Variants in SLC14A2 observed in about 807,000 individuals in gnomAD.
SLC14A2 encodes urea transporter 2.
A neutral mutation model predicts 104.6 loss-of-function variants in SLC14A2; 91 were observed. The observed-to-expected ratio is 0.87, with a 90% CI of 0.73 to 1.04. SLC14A2 has a LOEUF of 1.04. Among genes scored for constraint, SLC14A2 ranks in the 50% least tolerant of loss-of-function variants. The pLI, the probability that SLC14A2 is intolerant of heterozygous loss-of-function variation, is 0.00. For synonymous variants in SLC14A2, 476 were observed against 466.4 expected, an observed-to-expected ratio of 1.02 and a Z score of -0.27; for missense variants, 1,189 against 1,156.0, an observed-to-expected ratio of 1.03 and a Z score of -0.41.
chr18:45,560,870 A>G (rs375972445), intron 2 of SLC14A2, among the ~76,000 whole-genome samples: 31 of 152,304 alleles, frequency 2.0e-4, no homozygotes, highest in African/African-American at 7.0e-4. Flanking sequence ...GCCTCAGAAG[A>G]GGCCAATGTG....
At chr18:45,335,435 G>T (rs1489663970) in intron 1 of SLC14A2, among the ~76,000 whole-genome samples, 1 of 151,664 alleles carries the variant, frequency 6.6e-6, no homozygotes, top group Non-Finnish European at 1.5e-5. Context: ...CTGCAGTAGA[G>T]GAAGGAGGCA....
intron 2 of SLC14A2, among the ~76,000 whole-genome samples, chr18:45,561,847 C>T (rs2044204577): frequency 3.3e-5 from 5 of 152,162 alleles, no homozygotes; most frequent in Admixed American, 6.5e-5. Context: ...TATTCTGCAA[C>T]TTGTCTTTTT....
chr18:45,580,350 G>A (rs35540002), intron 2 of SLC14A2, among the ~76,000 whole-genome samples: 6,287 of 152,342 alleles, frequency 0.041, 180 homozygotes, highest in Non-Finnish European at 0.066. Flanking sequence ...AAAGTCATGG[G>A]AGTGGACAGG....
rs554523138 is a variant in SLC14A2, at chr18:45,630,077, T to C, written c.522-2273T>C. 2.1e-4 allele frequency among the ~76,000 whole-genome samples: 32 copies of C among 152,324 alleles called. 1 individual carries two copies. Among genetic ancestry groups the C allele is most frequent in the African/African-American group, 3.4e-4 (14 of 41,570 alleles). On this transcript the variant is annotated intron_variant, in intron 4 of 19. Transcript: ENST00000255226. ...CCACAGAACACATCCCAGTACTAGA[T>C]TGAATTGTTCTGTAATTAATTTTTT...
At chr18:45,513,875 C>A (rs2043400766) in intron 2 of SLC14A2, among the ~76,000 whole-genome samples, 2 of 152,082 alleles carry the variant, frequency 1.3e-5, no homozygotes, top group Non-Finnish European at 2.9e-5. Flanking sequence ...CCACAGGGAC[C>A]CCACAGACTA....
intron 1 of SLC14A2, among the ~76,000 whole-genome samples, chr18:45,342,936 A>G (rs1051523111): frequency 3.9e-5 from 6 of 152,156 alleles, no homozygotes; most frequent in Non-Finnish European, 7.3e-5. Flanking sequence ...TCCCTGTGTA[A>G]CCATTATTCA....
intron 1 of SLC14A2, among the ~76,000 whole-genome samples, chr18:45,428,474 G>T (rs747645516): frequency 1.3e-5 from 2 of 152,102 alleles, no homozygotes; most frequent in East Asian, 3.9e-4. Context: ...GAGGAGAGAG[G>T]GTGCTAACAT....
intron 1 of SLC14A2, among the ~76,000 whole-genome samples, chr18:45,402,409 C>T (rs899143511): frequency 6.6e-6 from 1 of 152,350 alleles, no homozygotes; most frequent in Admixed American, 6.5e-5. Context: ...AGCCAGCCCT[C>T]ATCGCTGTCA....
intron 2 of SLC14A2, among the ~76,000 whole-genome samples, chr18:45,516,487 G>A (rs1010010591): frequency 2.0e-5 from 3 of 152,216 alleles, no homozygotes; most frequent in African/African-American, 2.4e-5. Context: ...CCCCAGGGAC[G>A]AGAGTGGGAG....
intron 1 of SLC14A2, among the ~76,000 whole-genome samples, chr18:45,378,875 T>C (rs2085803613): frequency 1.3e-5 from 2 of 152,120 alleles, no homozygotes; most frequent in Admixed American, 6.6e-5. Context: ...CCTCCCGAAG[T>C]GCTGGGATTA....
intron 2 of SLC14A2, among the ~76,000 whole-genome samples, chr18:45,571,254 A>G (rs1033121170): frequency 2.0e-5 from 3 of 152,226 alleles, no homozygotes; most frequent in Non-Finnish European, 4.4e-5. Context: ...CATTTATTTA[A>G]TAAATTCTTT....
rs551200510 is a variant in SLC14A2 at position 45,517,977 on chromosome 18, A to G, written c.-35+34655A>G. On this transcript the variant is annotated intron_variant, in intron 2 of 20. Coordinates refer to the SLC14A2 transcript ENST00000586448. ...TTGTTGAACTGGAATTTACAAATCA[A>G]TGCCATATCTTAACTTTGACATCTT... Among the ~76,000 whole-genome samples, 25 of 152,334 alleles carry G rather than the reference A, an allele frequency of 1.6e-4. No individual in the cohort carries two copies. In the South Asian group the frequency reaches 2.5e-3, roughly 15 times the overall value.
At chr18:45,318,513 C>T (rs777348820) in intron 1 of SLC14A2, among the ~76,000 whole-genome samples, 43 of 152,082 alleles carry the variant, frequency 2.8e-4, no homozygotes, top group Admixed American at 9.8e-4. Flanking sequence ...TTGGGTGAGG[C>T]GCGGTGACTC....
chr18:45,240,029 G>T (rs570519056), intron 1 of SLC14A2, among the ~76,000 whole-genome samples: 2 of 150,030 alleles, frequency 1.3e-5, no homozygotes, highest in African/African-American at 4.9e-5. Flanking sequence ...GGACAATTAG[G>T]TTGATTTCAT....
At chr18:45,585,931 C>T (rs1274033103) in intron 2 of SLC14A2, among the ~76,000 whole-genome samples, 1 of 152,200 alleles carries the variant, frequency 6.6e-6, no homozygotes, top group African/African-American at 2.4e-5. Flanking sequence ...GATGCCACCT[C>T]GCACTGGGAA....
chr18:45,264,055 T>A (rs939895441), intron 1 of SLC14A2, among the ~76,000 whole-genome samples: 2 of 152,202 alleles, frequency 1.3e-5, no homozygotes, highest in Non-Finnish European at 2.9e-5. Flanking sequence ...ATCTTTTCTA[T>A]CTATCCATCT....
chr18:45,513,376 A>G (rs1361055994), intron 2 of SLC14A2, among the ~76,000 whole-genome samples: 1 of 152,216 alleles, frequency 6.6e-6, no homozygotes, highest in Non-Finnish European at 1.5e-5. Flanking sequence ...GTGATAAAGA[A>G]ATTTCCAGCA....
intron 2 of SLC14A2, among the ~76,000 whole-genome samples, chr18:45,541,631 C>A (rs16978400): frequency 0.17 from 25,621 of 152,172 alleles, 2,392 homozygotes; most frequent in Non-Finnish European, 0.21. Context: ...TAGGCCTGAG[C>A]TAATGACTGA....
chr18:45,477,629 T>C (rs959998478), intron 1 of SLC14A2, among the ~76,000 whole-genome samples: 1 of 152,166 alleles, frequency 6.6e-6, no homozygotes, highest in Non-Finnish European at 1.5e-5. Context: ...ATGGGAGTTT[T>C]ATCTATAAGC....
Sources: allele counts gnomAD v4.1 joint callset (sites outside exome capture counted in the v4.1 genomes callset), GRCh38; gene constraint gnomAD v4.1.1; transcripts MANE v1.5; gene names NCBI Gene and HGNC (gene_info 2026-07-23, HGNC 2026-07-21).